Variants in AUTS2 observed in about 807,000 individuals in gnomAD.
The protein encoded by AUTS2 is activator of transcription and developmental regulator AUTS2.
AUTS2 carries 17 observed loss-of-function variants against 112.4 expected under a neutral mutation model. The ratio of observed to expected loss-of-function variants is 0.15; its 90% CI spans 0.10 to 0.23. AUTS2 has a LOEUF of 0.23. Among genes scored for constraint, AUTS2 ranks in the 10% least tolerant of loss-of-function variants. The pLI is 1.00. For synonymous variants in AUTS2, 751 were observed against 702.7 expected, an observed-to-expected ratio of 1.07 and a Z score of -1.09; for missense variants, 1,510 against 1,701.6, an observed-to-expected ratio of 0.89 and a Z score of 1.98.
chr7:70,790,061 G>A lies in AUTS2; in HGVS notation c.2845G>A (p.Val949Met), dbSNP rs1181305637. The A allele has an allele frequency of 1.9e-6, 3 of 1,577,734 alleles. No homozygotes were observed. Among genetic ancestry groups the A allele is most frequent in the Non-Finnish European group, 2.6e-6 (3 of 1,163,692 alleles). Residue 949 changes from valine to methionine, a missense_variant, in exon 19 of 19, where the codon GTG becomes ATG. Transcript: ENST00000342771. The surrounding 1 kb of genome is among the most constrained non-coding windows in gnomAD (Gnocchi z 7.6). ...VPSPYVRTPV[V>M]ESARPNSTSS... ...GTCTCCCTACGTGCGGACCCCGGTGGTGGAGAGTGCCAGGCCCAACAGCAC... is the reference window on the plus strand; with the variant it reads ...GTCTCCCTACGTGCGGACCCCGGTGATGGAGAGTGCCAGGCCCAACAGCAC...
At chr7:69,799,090 A>G (rs1789972004) in intron 1 of AUTS2, among the ~76,000 whole-genome samples, 1 of 151,782 alleles carries the variant, frequency 6.6e-6, no homozygotes, top group Non-Finnish European at 1.5e-5. Flanking sequence ...TTTTTCCTCA[A>G]TCACAGTGGA....
intron 6 of AUTS2, among the ~76,000 whole-genome samples, chr7:70,750,978 C>A (rs1331037239): frequency 6.6e-6 from 1 of 152,202 alleles, no homozygotes; most frequent in African/African-American, 2.4e-5. Context: ...CCTTAATGGG[C>A]ACACTGACTT....
intron 5 of AUTS2, among the ~76,000 whole-genome samples, chr7:70,566,958 A>C (rs1801735027): frequency 1.3e-5 from 2 of 152,218 alleles, no homozygotes; most frequent in Non-Finnish European, 2.9e-5. Context: ...CATGTGCCTG[A>C]GGCCTCTCAT....
At chr7:70,038,710 T>C (rs1801115179) in intron 2 of AUTS2, among the ~76,000 whole-genome samples, 1 of 152,060 alleles carries the variant, frequency 6.6e-6, no homozygotes, top group Admixed American at 6.5e-5. Context: ...GCTCCATCTC[T>C]TAAAAAGCCA....
At chr7:70,375,608 A>G (rs982125631) in intron 4 of AUTS2, among the ~76,000 whole-genome samples, 6 of 152,208 alleles carry the variant, frequency 3.9e-5, no homozygotes, top group African/African-American at 1.2e-4. Flanking sequence ...TTTATTTGTA[A>G]TGATTCCACA....
At chr7:70,625,670 C>T (rs147795420) in intron 5 of AUTS2, among the ~76,000 whole-genome samples, 6 of 152,232 alleles carry the variant, frequency 3.9e-5, no homozygotes, top group African/African-American at 7.2e-5. Context: ...AGTGCCAGGC[C>T]GTCATGCCCC....
chr7:70,240,633 CTTGCATGCCATTT>C (rs1481093120), intron 4 of AUTS2, among the ~76,000 whole-genome samples: 1 of 152,158 alleles, frequency 6.6e-6, no homozygotes, highest in Non-Finnish European at 1.5e-5. Flanking sequence ...CTGCTCAAGG[CTTGCATGCCATTT>C]TTGGCATTGA....
intron 4 of AUTS2, among the ~76,000 whole-genome samples, chr7:70,137,691 C>T (rs1021876850): frequency 6.6e-6 from 1 of 152,024 alleles, no homozygotes; most frequent in Non-Finnish European, 1.5e-5. Context: ...ATTAGTGTTG[C>T]AAATATTAAA....
At chr7:70,520,366 G>C (rs1413079678) in intron 5 of AUTS2, among the ~76,000 whole-genome samples, 1 of 152,138 alleles carries the variant, frequency 6.6e-6, no homozygotes, top group Non-Finnish European at 1.5e-5. Flanking sequence ...TCTCTCCTCA[G>C]CCACATGTTC....
In AUTS2 at chr7:70,402,545, C is replaced by T. The variant is rs78851295; in HGVS notation, c.661-33207C>T. ...TAATAAAGAAACGATTCCAAGGTTC[C>T]AGACTCCTGGGTAGTTGGGCAGGAG... On this transcript the variant is annotated intron_variant, in intron 4 of 18. Coordinates refer to ENST00000342771, the MANE Select transcript of AUTS2 (RefSeq NM_015570.4). Among the ~76,000 whole-genome samples the T allele has an allele frequency of 4.2e-3, 641 of 152,284 alleles. 6 individuals are homozygous for T. Among genetic ancestry groups the T allele is most frequent in the African/African-American group, 0.015 (624 of 41,550 alleles).
chr7:70,319,371 A>C (rs1790144094), intron 4 of AUTS2, among the ~76,000 whole-genome samples: 2 of 152,200 alleles, frequency 1.3e-5, no homozygotes, highest in African/African-American at 4.8e-5. Flanking sequence ...TTTTAATGAA[A>C]GGAGACAGGT....
intron 2 of AUTS2, among the ~76,000 whole-genome samples, chr7:70,024,353 T>C (rs182878804): frequency 6.6e-5 from 10 of 152,354 alleles, no homozygotes; most frequent in African/African-American, 1.9e-4. Context: ...TACATGAAAT[T>C]ATAATCAAAT....
At chr7:69,604,293 T>C (rs1792594692) in intron 1 of AUTS2, among the ~76,000 whole-genome samples, 1 of 152,256 alleles carries the variant, frequency 6.6e-6, no homozygotes, top group South Asian at 2.1e-4. Flanking sequence ...CAAATCACTT[T>C]AGTTGTTTAA....
At position 70,762,974 on chromosome 7, in the gene AUTS2, G is replaced by T; in HGVS notation, c.847G>T (p.Asp283Tyr). The change falls in exon 7 of 19, where the codon GAC becomes TAC. Residue 283 changes from aspartate (D) to tyrosine (Y), a missense_variant. Asp to Tyr is a radical substitution (Grantham distance 160). Coordinates refer to ENST00000342771, the MANE Select transcript of AUTS2 (RefSeq NM_015570.4). ...AGAGAGAAGCCAGGAGAAGAGCCAG[G>T]ACTGTTGCAAAGAGCCAATCTTTGA... ...GLERSQEKSQ[D>Y]CCKEPIFEPV... 6.2e-7 allele frequency: 1 copy of T among 1,614,140 alleles called. No homozygotes were observed. The highest frequency in any genetic ancestry group is 8.5e-7 in the Non-Finnish European group (1 of 1,180,028).
intron 4 of AUTS2, among the ~76,000 whole-genome samples, chr7:70,352,960 A>C (rs1791834467): frequency 6.6e-6 from 1 of 152,180 alleles, no homozygotes; most frequent in African/African-American, 2.4e-5. Context: ...GCATCTGCAG[A>C]GGCTCTGAGG....
At chr7:70,347,263 T>G (rs1406571028) in intron 4 of AUTS2, among the ~76,000 whole-genome samples, 2 of 152,188 alleles carry the variant, frequency 1.3e-5, no homozygotes, top group Non-Finnish European at 2.9e-5. Flanking sequence ...AATTCTAGGT[T>G]TGAGTATGTG....
At chr7:70,325,944 G>A (rs916806080) in intron 4 of AUTS2, among the ~76,000 whole-genome samples, 1 of 152,186 alleles carries the variant, frequency 6.6e-6, no homozygotes, top group Non-Finnish European at 1.5e-5. Context: ...CTCCCTTGGT[G>A]ACTCAGCAAT....
intron 5 of AUTS2, among the ~76,000 whole-genome samples, chr7:70,626,344 C>G (rs1309132438): frequency 9.1e-6 from 1 of 109,728 alleles, no homozygotes; most frequent in African/African-American, 3.7e-5. Flanking sequence ...GGCAACATAG[C>G]AAGACCTTGT....
intron 4 of AUTS2, among the ~76,000 whole-genome samples, chr7:70,216,133 T>C (rs1438043765): frequency 6.6e-6 from 1 of 152,238 alleles, no homozygotes; most frequent in East Asian, 1.9e-4. Context: ...TGTAACATTT[T>C]AATAGTTCCA....
Sources: allele counts gnomAD v4.1 joint callset (sites outside exome capture counted in the v4.1 genomes callset), GRCh38; gene constraint gnomAD v4.1.1; non-coding constraint Gnocchi (gnomAD v3.1); transcripts MANE v1.5; gene names NCBI Gene and HGNC (gene_info 2026-07-23, HGNC 2026-07-21).